Variants in PLXDC2 observed in about 807,000 individuals in gnomAD.
PLXDC2 encodes the protein plexin domain-containing protein 2.
In PLXDC2, 40 loss-of-function variants were observed where a neutral mutation model predicts 68.9. The ratio of observed to expected loss-of-function variants is 0.58; its 90% confidence interval spans 0.45 to 0.76. PLXDC2 has a LOEUF of 0.76. Ranked by LOEUF, PLXDC2 falls within the 30% of genes least tolerant of loss-of-function variation. PLXDC2 has a pLI of 0.00. For synonymous variants in PLXDC2, 243 were observed against 234.2 expected (o/e 1.04, Z -0.34); for missense variants, 644 against 661.9 (o/e 0.97, Z 0.30).
At chr10:20,171,392 A>G (rs1386075799) in intron 7 of PLXDC2, among the ~76,000 whole-genome samples, 1 of 152,328 alleles carries the variant, frequency 6.6e-6, no homozygotes, top group African/African-American at 2.4e-5. Context: ...TCTTAACAGC[A>G]CAATTTCATT....
intron 9 of PLXDC2, among the ~76,000 whole-genome samples, chr10:20,192,145 A>G (rs1484772857): frequency 1.3e-5 from 2 of 152,070 alleles, no homozygotes; most frequent in African/African-American, 4.8e-5. Context: ...AGGACTTAAA[A>G]TAAATTTTTT....
rs911462638 is a variant in PLXDC2, at chr10:20,215,482, C to G, written c.1123-1944C>G. Among the ~76,000 whole-genome samples the G allele has an allele frequency of 3.9e-5, 6 of 151,914 alleles. No homozygotes were observed. In the South Asian group the frequency reaches 8.3e-4, roughly 21 times the overall value. On this transcript the variant is annotated intron_variant, in intron 10 of 13. Coordinates refer to ENST00000377252, the MANE Select transcript of PLXDC2 (RefSeq NM_032812.9). ...GGAGAAGAGGGAGGCAGTCCCTCTT[C>G]TGGGACTGCCTCCCTTTGCAAACTG...
chr10:19,821,979 G>A (rs1836474417), intron 1 of PLXDC2, among the ~76,000 whole-genome samples: 1 of 151,880 alleles, frequency 6.6e-6, no homozygotes, highest in Admixed American at 6.6e-5. Context: ...CATGATGCTT[G>A]TTTATTTTCT....
At chr10:20,028,293 A>G (rs535229475) in intron 2 of PLXDC2, among the ~76,000 whole-genome samples, 1 of 152,322 alleles carries the variant, frequency 6.6e-6, no homozygotes, top group African/African-American at 2.4e-5. Flanking sequence ...TCTAATACAC[A>G]GACAAATTTG....
chr10:19,896,202 C>T (rs950854965), intron 1 of PLXDC2, among the ~76,000 whole-genome samples: 2 of 152,192 alleles, frequency 1.3e-5, no homozygotes, highest in South Asian at 4.1e-4. Context: ...GACTGTATAA[C>T]CTAAGCTTGC....
At chr10:19,938,048 A>C (rs73603675) in intron 1 of PLXDC2, among the ~76,000 whole-genome samples, 1 of 152,038 alleles carries the variant, frequency 6.6e-6, no homozygotes, top group Non-Finnish European at 1.5e-5. Context: ...CATAACCTCT[A>C]TTTGCTTGGT....
intron 7 of PLXDC2, 96 bp downstream of exon 7, chr10:20,164,663 A>G (rs1385588144): frequency 1.1e-6 from 1 of 905,494 alleles, no homozygotes; most frequent in East Asian, 2.6e-5. Context: ...TTAAAAAAAA[A>G]ATAGCTAATC....
chr10:20,068,976 G>A (rs1252967328), intron 4 of PLXDC2, among the ~76,000 whole-genome samples: 2 of 152,012 alleles, frequency 1.3e-5, no homozygotes, highest in African/African-American at 4.8e-5. Context: ...GCAGGGGTAG[G>A]GAAGAAGGAG....
chr10:19,959,327 A>G (rs923821084), intron 1 of PLXDC2, among the ~76,000 whole-genome samples: 1 of 152,216 alleles, frequency 6.6e-6, no homozygotes, highest in Non-Finnish European at 1.5e-5. Context: ...AAGGAAGATG[A>G]AATCAAAGAG....
chr10:19,942,657 A>C (rs918870286), intron 1 of PLXDC2, among the ~76,000 whole-genome samples: 42 of 152,184 alleles, frequency 2.8e-4, no homozygotes, highest in Admixed American at 2.5e-3. Flanking sequence ...CCAGCTATTC[A>C]GGTGGCTGAA....
At position 20,102,615 on chromosome 10, in the gene PLXDC2, T is replaced by G. The variant is rs570947528; in HGVS notation, c.541+34376T>G. ...GAAAAATAGAAAAGTCCAGGGTGGTTTTAAGGATTTTGGCTTGAGCAACTG... is the reference window on the plus strand; with the variant it reads ...GAAAAATAGAAAAGTCCAGGGTGGTGTTAAGGATTTTGGCTTGAGCAACTG... On this transcript the variant is annotated intron_variant, in intron 4 of 13. Coordinates refer to ENST00000377252, the MANE Select transcript of PLXDC2 (RefSeq NM_032812.9). 4.3e-4 allele frequency among the ~76,000 whole-genome samples: 65 copies of G among 152,268 alleles called. No homozygotes were observed. In the South Asian group the frequency reaches 0.013, roughly 30 times the overall value.
At chr10:19,904,106 T>C (rs1447605700) in intron 1 of PLXDC2, among the ~76,000 whole-genome samples, 1 of 152,168 alleles carries the variant, frequency 6.6e-6, no homozygotes, top group Non-Finnish European at 1.5e-5. Flanking sequence ...TCCTATCATA[T>C]GGTCTGTCTT....
intron 2 of PLXDC2, among the ~76,000 whole-genome samples, chr10:20,039,256 A>C (rs1259235305): frequency 6.6e-6 from 1 of 152,222 alleles, no homozygotes; most frequent in Non-Finnish European, 1.5e-5. Context: ...TGATGTTTCT[A>C]TAAAACACTT....
At chr10:20,104,557 C>G (rs1262038566) in intron 4 of PLXDC2, among the ~76,000 whole-genome samples, 3 of 152,110 alleles carry the variant, frequency 2.0e-5, no homozygotes, top group Non-Finnish European at 4.4e-5. Context: ...AGTAGCAACT[C>G]TTTACTGCAG....
At chr10:19,823,587 G>T (rs893646008) in intron 1 of PLXDC2, among the ~76,000 whole-genome samples, 3 of 151,916 alleles carry the variant, frequency 2.0e-5, no homozygotes, top group African/African-American at 7.3e-5. Flanking sequence ...GGAGGCTGAG[G>T]CAGGAGAATC....
intron 1 of PLXDC2, among the ~76,000 whole-genome samples, chr10:19,995,102 A>G (rs192599434): frequency 4.3e-4 from 66 of 152,268 alleles, no homozygotes; most frequent in African/African-American, 1.5e-3. Context: ...CCATGCTTGT[A>G]TTGATGGGAC....
intron 4 of PLXDC2, among the ~76,000 whole-genome samples, chr10:20,078,724 AATAATT>A (rs66737241): frequency 0.4 from 60,179 of 151,572 alleles, 14,337 homozygotes; most frequent in East Asian, 0.7. Context: ...CTCTTGTAAT[AATAATT>A]ATAAGGAGTG....
intron 1 of PLXDC2, among the ~76,000 whole-genome samples, chr10:19,873,406 CTTT>C (rs1049862345): frequency 5.2e-5 from 6 of 115,656 alleles, no homozygotes; most frequent in South Asian, 2.8e-4. Flanking sequence ...TCTTCTTCGT[CTTT>C]TTTTTTTTTT....
intron 4 of PLXDC2, among the ~76,000 whole-genome samples, chr10:20,099,696 C>T (rs530357832): frequency 6.6e-6 from 1 of 152,134 alleles, no homozygotes; most frequent in African/African-American, 2.4e-5. Context: ...ACTTTTCTCA[C>T]TTGAAAAGAT....
Sources: allele counts gnomAD v4.1 joint callset (sites outside exome capture counted in the v4.1 genomes callset), GRCh38; gene constraint gnomAD v4.1.1; transcripts MANE v1.5; gene names NCBI Gene and HGNC (gene_info 2026-07-23, HGNC 2026-07-21).